The following PCDHGA3 variants were observed in gnomAD, a reference collection of about 807,000 sequenced individuals.
PCDHGA3 encodes the protein protocadherin gamma-A3.
PCDHGA3 carries 40 observed loss-of-function variants against 58.5 expected under a neutral mutation model. That is an observed-to-expected ratio of 0.68 (90% CI 0.53 to 0.89). The LOEUF (loss-of-function observed/expected upper bound fraction) is 0.89, where lower values mean the gene tolerates loss of function less well. PCDHGA3 is among the 40% of genes least tolerant of loss of function. The probability of loss-of-function intolerance (pLI) is 0.00; values close to 1 mark genes in which losing one functional copy is unlikely to be tolerated. For missense variants in PCDHGA3, 1,223 were observed against 1,195.9 expected (o/e 1.02, Z -0.33); for synonymous variants, 530 against 525.7 (o/e 1.01, Z -0.11).
intron 1 of PCDHGA3, among the ~76,000 whole-genome samples, chr5:141,425,482 C>T (rs1257043728): frequency 6.6e-6 from 1 of 152,192 alleles, no homozygotes; most frequent in Non-Finnish European, 1.5e-5. Context: ...CCTATGGCAA[C>T]CTACTAGGCT....
Position 141,454,796 on chromosome 5 carries a change from A to ATTT in PCDHGA3, c.2425-39984_2425-39982dup, listed in dbSNP as rs61612330. 3.3e-3 allele frequency among the ~76,000 whole-genome samples: 253 copies of ATTT among 77,450 alleles called. 31 individuals carry two copies. The highest frequency in any genetic ancestry group is 0.02 in the South Asian group (39 of 1,960). The allele number at this position is 77,450 out of a possible 152,430, so 50.8% of individuals were successfully genotyped here. ...AAGGAAATAATCCTCCATGGTTCTA[A>ATTT]TTTTTTTTTTTTTTTTTTTTTTTTT... On this transcript the variant is annotated intron_variant, in intron 1 of 3. Coordinates refer to ENST00000253812, the MANE Select transcript of PCDHGA3 (RefSeq NM_018916.4).
At chr5:141,374,079 C>A in intron 1 of PCDHGA3, 2 of 1,518,304 alleles carry the variant, frequency 1.3e-6, no homozygotes, top group Non-Finnish European at 1.8e-6. Flanking sequence ...CCTAATAAGC[C>A]AGTAATGGCG....
chr5:141,360,108 T>A, intron 1 of PCDHGA3: 1 of 1,555,128 alleles, frequency 6.4e-7, no homozygotes. Context: ...ATTCCTCCTA[T>A]GGGCAAAGGA....
At chr5:141,470,838 C>T (rs142581300) in intron 1 of PCDHGA3, among the ~76,000 whole-genome samples, 5 of 152,222 alleles carry the variant, frequency 3.3e-5, no homozygotes, top group African/African-American at 7.2e-5. Flanking sequence ...CAAACACACG[C>T]CACCATGCTC....
intron 1 of PCDHGA3, chr5:141,413,404 C>T: frequency 6.2e-7 from 1 of 1,614,046 alleles, no homozygotes; most frequent in Non-Finnish European, 8.5e-7. Context: ...AGGTAGGACG[C>T]AGCTTTTCTC....
In PCDHGA3 at chr5:141,367,047, A is replaced by G. The variant is rs866542840; in HGVS notation, c.2424+20590A>G. Reference sequence around the variant, plus strand: ...ATTGGAACTGCAGTTCTATTAATAGAAAAGATGTTTTATTTATTCAAATTG... The same window carrying G: ...ATTGGAACTGCAGTTCTATTAATAGGAAAGATGTTTTATTTATTCAAATTG... On this transcript the variant is annotated intron_variant, in intron 1 of 3. Coordinates refer to ENST00000253812, the MANE Select transcript of PCDHGA3 (RefSeq NM_018916.4). 8 of 336,290 alleles carry G rather than the reference A, an allele frequency of 2.4e-5. No individual in the cohort carries two copies. In the Middle Eastern group the frequency reaches 2.8e-3, roughly 116 times the overall value. 20.8% of individuals were successfully genotyped at this position (336,290 alleles called of 1,614,324 possible).
At chr5:141,419,155 A>G in intron 1 of PCDHGA3, 1 of 1,613,966 alleles carries the variant, frequency 6.2e-7, no homozygotes, top group Middle Eastern at 1.6e-4. Context: ...AGCCTCCGTT[A>G]TCCTCCAGCA....
At position 141,455,301 on chromosome 5, in the gene PCDHGA3, T is replaced by G. The variant is rs192443408; in HGVS notation, c.2425-39506T>G. Among the ~76,000 whole-genome samples, 191 of 152,308 alleles carry G rather than the reference T, an allele frequency of 1.3e-3. 1 individual carries two copies. Among genetic ancestry groups the G allele is most frequent in the African/African-American group, 4.4e-3 (181 of 41,566 alleles). On this transcript the variant is annotated intron_variant, in intron 1 of 3. Transcript: ENST00000253812. ...AACATCACTTTACATAGTTTCATCT[T>G]GCATTAGCAATTTTGTGTGTGTGTT...
chr5:141,402,937 C>A, intron 1 of PCDHGA3: 2 of 1,588,498 alleles, frequency 1.3e-6, no homozygotes, highest in Non-Finnish European at 1.7e-6. Flanking sequence ...TGAGAAAATT[C>A]CAAAGCGAGG....
chr5:141,424,195 A>C (rs2096804945), intron 1 of PCDHGA3: 1 of 183,680 alleles, frequency 5.4e-6, no homozygotes, highest in Non-Finnish European at 1.1e-5. Context: ...ACACACTTAT[A>C]CACGTAAGCT....
At chr5:141,408,059 C>T in intron 1 of PCDHGA3, 1 of 1,317,324 alleles carries the variant, frequency 7.6e-7, no homozygotes, top group Non-Finnish European at 1.0e-6. Flanking sequence ...AGCCTCCCGG[C>T]TGCGCAGACC....
At chr5:141,415,135 G>A (rs1224251849) in intron 1 of PCDHGA3, 7 of 1,613,666 alleles carry the variant, frequency 4.3e-6, no homozygotes, top group East Asian at 2.2e-5. Flanking sequence ...CCAGGACCAC[G>A]GCCAGCCCCC....
At chr5:141,497,827 C>T (rs1390986916) in intron 2 of PCDHGA3, among the ~76,000 whole-genome samples, 3 of 152,188 alleles carry the variant, frequency 2.0e-5, no homozygotes, top group East Asian at 3.9e-4. Flanking sequence ...GGTGTGATCG[C>T]CCCCGGCCAC....
intron 1 of PCDHGA3, chr5:141,364,591 G>C (rs754833725): frequency 3.7e-6 from 6 of 1,614,076 alleles, no homozygotes; most frequent in Non-Finnish European, 3.4e-6. Context: ...TGGTCACCGC[G>C]GGCAGGATAG....
chr5:141,383,810 T>C (rs879645741), intron 1 of PCDHGA3: 2 of 1,613,958 alleles, frequency 1.2e-6, no homozygotes, highest in Non-Finnish European at 8.5e-7. Context: ...ATATCAACTT[T>C]AGAAGGATTA....
At chr5:141,377,473 G>A (rs1467921393) in intron 1 of PCDHGA3, 2 of 152,044 alleles carry the variant, frequency 1.3e-5, no homozygotes, top group Admixed American at 1.3e-4. Flanking sequence ...GCGTACACCT[G>A]TAGTCCCAGC....
intron 1 of PCDHGA3, chr5:141,392,860 T>G (rs726684): frequency 0.19 from 299,729 of 1,611,996 alleles, 30,027 homozygotes; most frequent in Admixed American, 0.35. Context: ...CTGATCCTGC[T>G]GTGCGCGCTG....
chr5:141,468,131 C>G (rs1006565854), intron 1 of PCDHGA3, among the ~76,000 whole-genome samples: 1 of 151,766 alleles, frequency 6.6e-6, no homozygotes, highest in African/African-American at 2.4e-5. Flanking sequence ...TTGAGACCAG[C>G]CTGGCCAACA....
chr5:141,408,985 G>A, intron 1 of PCDHGA3: 1 of 1,613,966 alleles, frequency 6.2e-7, no homozygotes, highest in South Asian at 1.1e-5. Context: ...GGTCCCCTGT[G>A]TTGCAAGTGA....
Sources: allele counts gnomAD v4.1 joint callset (sites outside exome capture counted in the v4.1 genomes callset), GRCh38; gene constraint gnomAD v4.1.1; transcripts MANE v1.5; gene names NCBI Gene and HGNC (gene_info 2026-07-23, HGNC 2026-07-21).